TCP11L1: variants seen among roughly 807,000 people sequenced by gnomAD.
TCP11L1 encodes the protein t-complex 11 like 1.
In TCP11L1, 28 loss-of-function variants were observed where a neutral mutation model predicts 48.9. The ratio of observed to expected loss-of-function variants is 0.57; its 90% CI spans 0.42 to 0.78. The LOEUF is 0.78. Among genes scored for constraint, TCP11L1 ranks in the 30% least tolerant of loss-of-function variants. TCP11L1 has a pLI of 0.00. For missense variants in TCP11L1, 505 were observed against 613.4 expected, an observed-to-expected ratio of 0.82 and a Z score of 1.87; for synonymous variants, 204 against 231.9, an observed-to-expected ratio of 0.88 and a Z score of 1.09.
chr11:33,059,951 C>T (rs1854422275), intron 6 of TCP11L1, among the ~76,000 whole-genome samples: 2 of 152,156 alleles, frequency 1.3e-5, no homozygotes, highest in African/African-American at 4.8e-5. Context: ...ATATGTAATC[C>T]TCACACAGTA....
At chr11:33,072,313 A>T (rs1311069761) in intron 9 of TCP11L1, among the ~76,000 whole-genome samples, 161 bp from the exon 10 acceptor site, 1 of 152,210 alleles carries the variant, frequency 6.6e-6, no homozygotes, top group African/African-American at 2.4e-5. Flanking sequence ...TATAAATGGG[A>T]TGAATATGCA....
At chr11:33,064,137 G>GT (rs1310926115) in intron 7 of TCP11L1, among the ~76,000 whole-genome samples, 1 of 151,798 alleles carries the variant, frequency 6.6e-6, no homozygotes, top group Non-Finnish European at 1.5e-5. Flanking sequence ...AAACCCTCTC[G>GT]TAAAAAAAAT....
intron 1 of TCP11L1, 80 bp downstream of exon 1, chr11:33,039,872 T>G (rs1479720532): frequency 6.6e-6 from 1 of 152,430 alleles, no homozygotes; most frequent in Non-Finnish European, 1.5e-5. Context: ...TCTCTTCGCC[T>G]CTTCCCGTCG....
intron 2 of TCP11L1, among the ~76,000 whole-genome samples, chr11:33,050,627 A>C (rs1223505793): frequency 6.7e-6 from 1 of 150,078 alleles, no homozygotes; most frequent in Non-Finnish European, 1.5e-5. Context: ...GGGCAACAGA[A>C]TAAGACCCTA....
At chr11:33,060,639 T>C (rs944009944) in intron 6 of TCP11L1, among the ~76,000 whole-genome samples, 2 of 152,086 alleles carry the variant, frequency 1.3e-5, no homozygotes, top group Non-Finnish European at 2.9e-5. Flanking sequence ...TTACCAAGCT[T>C]AGAAAAGCAG....
At chr11:33,055,111 T>C (rs1196951179) in intron 3 of TCP11L1, among the ~76,000 whole-genome samples, 2 of 152,254 alleles carry the variant, frequency 1.3e-5, no homozygotes, top group African/African-American at 4.8e-5. Context: ...GGTTGTAAGG[T>C]GCACCTTTTA....
intron 9 of TCP11L1, among the ~76,000 whole-genome samples, chr11:33,069,703 T>C (rs1854722055): frequency 6.6e-6 from 1 of 152,104 alleles, no homozygotes; most frequent in Non-Finnish European, 1.5e-5. Flanking sequence ...CCTCCCAGGC[T>C]CAAGCAGTCC....
rs922739932 is a variant in TCP11L1 at position 33,039,583 on chromosome 11, TC to T, written c.-232del. The T allele has an allele frequency of 6.6e-6, 1 of 152,284 alleles. No homozygotes were observed. Among genetic ancestry groups the T allele is most frequent in the African/African-American group, 2.4e-5 (1 of 41,478 alleles). 9.4% of individuals were successfully genotyped at this position (152,284 alleles called of 1,614,324 possible). On this transcript the variant is annotated 5_prime_UTR_variant, in exon 1 of 10. Coordinates refer to ENST00000334274, the MANE Select transcript of TCP11L1 (RefSeq NM_018393.4). ...TCCCGGCCAAGAGCAGTCTCCTCCT[TC>T]CTGATGCTGAGAAGCGGCCGCTCTG... is the stretch of plus-strand genomic sequence containing the variant.
At chr11:33,057,308 C>T (rs1369135807) in intron 4 of TCP11L1, 73 bp downstream of exon 4, 1 of 1,590,352 alleles carries the variant, frequency 6.3e-7, no homozygotes, top group Non-Finnish European at 8.6e-7. Flanking sequence ...GTGTCACCAC[C>T]AGAAGACTTT....
chr11:33,054,535 T>A, intron 2 of TCP11L1, 58 bp from the exon 3 acceptor site: 5 of 1,577,618 alleles, frequency 3.2e-6, no homozygotes, highest in Non-Finnish European at 4.3e-6. Context: ...TGTTTTCTTA[T>A]TTTAGTAGAA....
intron 2 of TCP11L1, among the ~76,000 whole-genome samples, chr11:33,044,571 A>G (rs1477337825): frequency 6.6e-6 from 1 of 152,204 alleles, no homozygotes; most frequent in African/African-American, 2.4e-5. Flanking sequence ...ATAGTCTAAG[A>G]ATGTCGGTAT....
chr11:33,055,359 C>A (rs1249710876), intron 3 of TCP11L1, among the ~76,000 whole-genome samples: 1 of 152,198 alleles, frequency 6.6e-6, no homozygotes, highest in Non-Finnish European at 1.5e-5. Flanking sequence ...ATGAATGCTG[C>A]AGCTCCAAGC....
intron 2 of TCP11L1, among the ~76,000 whole-genome samples, chr11:33,047,216 GAAAA>G (rs11385765): frequency 7.5e-6 from 1 of 133,230 alleles, no homozygotes; most frequent in African/African-American, 2.7e-5. Flanking sequence ...TTCATCTCAA[GAAAA>G]AAAAAAAAAG....
chr11:33,046,715 T>C (rs1854005670), intron 2 of TCP11L1, among the ~76,000 whole-genome samples: 2 of 152,116 alleles, frequency 1.3e-5, no homozygotes, highest in African/African-American at 4.8e-5. Context: ...GGGCATCAGG[T>C]AAGGAAGCAT....
intron 3 of TCP11L1, among the ~76,000 whole-genome samples, chr11:33,056,055 A>G (rs1211926223): frequency 6.6e-6 from 1 of 151,754 alleles, no homozygotes; most frequent in African/African-American, 2.4e-5. Context: ...TGACCTTGTT[A>G]TCTATCTGCC....
chr11:33,039,858 G>A (rs1570046), intron 1 of TCP11L1, 66 bp downstream of exon 1: 2 of 152,354 alleles, frequency 1.3e-5, no homozygotes, highest in Non-Finnish European at 2.9e-5. Context: ...CCAAGTCGCA[G>A]GCATCTCTTC....
At chr11:33,067,797 C>T (rs1268748407) in intron 8 of TCP11L1, among the ~76,000 whole-genome samples, 1 of 152,212 alleles carries the variant, frequency 6.6e-6, no homozygotes, top group African/African-American at 2.4e-5. Flanking sequence ...TGCCTGCCAG[C>T]ATGGGGGCTC....
intron 2 of TCP11L1, 106 bp downstream of exon 2, chr11:33,044,042 T>A: frequency 8.6e-7 from 1 of 1,156,168 alleles, no homozygotes; most frequent in Non-Finnish European, 1.2e-6. Flanking sequence ...TCTAATAATA[T>A]AACATTGCCA....
At chr11:33,070,545 C>A (rs763125301) in intron 9 of TCP11L1, among the ~76,000 whole-genome samples, 18 of 151,380 alleles carry the variant, frequency 1.2e-4, no homozygotes, top group Non-Finnish European at 2.7e-4. Context: ...ATTAGCCAGG[C>A]ATGGTGGTGC....
Sources: gnomAD v4.1 joint callset for allele counts (sites outside exome capture counted in the v4.1 genomes callset) on GRCh38, gnomAD v4.1.1 for gene constraint, MANE v1.5 for transcripts, NCBI Gene and HGNC (gene_info 2026-07-23, HGNC 2026-07-21) for gene names.